The following LTA variants were observed in gnomAD, a reference collection of about 807,000 sequenced individuals.
LTA encodes lymphotoxin-alpha.
LTA carries 6 observed loss-of-function variants against 15.1 expected under a neutral mutation model. The observed-to-expected ratio is 0.40, with a 90% CI of 0.22 to 0.78. The LOEUF (loss-of-function observed/expected upper bound fraction) is 0.78, where lower values mean the gene tolerates loss of function less well. Among genes scored for constraint, LTA ranks in the 30% least tolerant of loss-of-function variants. The pLI, the probability that LTA is intolerant of heterozygous loss-of-function variation, is 0.38. For synonymous variants in LTA, 87 were observed against 107.3 expected (o/e 0.81, Z 1.17); for missense variants, 173 against 249.5 (o/e 0.69, Z 2.06).
chr6:31,574,185 C>T lies in LTA; in HGVS notation c.*492C>T. ...GAGAGGGCATGCGCACAAGGCTGAC[C>T]AAGAGAGAAAGAAGTAGGCATGAGG... On this transcript the variant is annotated 3_prime_UTR_variant, in exon 4 of 4. Coordinates refer to ENST00000418386, the MANE Select transcript of LTA (RefSeq NM_000595.4). 4.1e-6 allele frequency: 1 copy of T among 241,508 alleles called. No individual in the cohort carries two copies. Among genetic ancestry groups the T allele is most frequent in the Non-Finnish European group, 8.3e-6 (1 of 120,742 alleles). The allele number at this position is 241,508 out of a possible 1,614,324, so 15.0% of individuals were successfully genotyped here.
the LTA span, among the ~76,000 whole-genome samples, chr6:31,562,186 T>C: frequency 6.6e-6 from 1 of 151,628 alleles, no homozygotes; most frequent in East Asian, 1.9e-4. Context: ...TAAATGAGGG[T>C]TGAAAAGATT....
At chr6:31,566,642 GAAA>G in the LTA span, among the ~76,000 whole-genome samples, 38,660 of 122,926 alleles carry the variant, frequency 0.31, 5,773 homozygotes, top group East Asian at 0.51. Flanking sequence ...TGTCTTAAAA[GAAA>G]AAAAAAAAAA....
the LTA span, among the ~76,000 whole-genome samples, chr6:31,565,670 T>C: frequency 1.3e-5 from 2 of 152,140 alleles, no homozygotes; most frequent in African/African-American, 2.4e-5. Context: ...AGTTTTTCCA[T>C]CCATCAGAAT....
upstream of LTA, among the ~76,000 whole-genome samples, chr6:31,567,468 T>A (rs1327932019): frequency 6.6e-6 from 1 of 151,390 alleles, no homozygotes; most frequent in Non-Finnish European, 1.5e-5. Flanking sequence ...GAAGCTGAGG[T>A]GGAAGGATGA....
intron 1 of LTA, 75 bp from the exon 2 acceptor site, chr6:31,572,659 A>C: frequency 1.9e-6 from 2 of 1,049,876 alleles, no homozygotes; most frequent in Non-Finnish European, 2.9e-6. Context: ...GCTCTCTCCC[A>C]GGGCGGGAGG....
At chr6:31,560,823 G>T in the LTA span, among the ~76,000 whole-genome samples, 1 of 152,206 alleles carries the variant, frequency 6.6e-6, no homozygotes, top group Non-Finnish European at 1.5e-5. Flanking sequence ...ACTCTGTTCA[G>T]TGTAGGTCAA....
upstream of LTA, among the ~76,000 whole-genome samples, chr6:31,570,453 A>G (rs1333247138): frequency 2.6e-5 from 4 of 152,196 alleles, no homozygotes; most frequent in Non-Finnish European, 5.9e-5. Context: ...AACACTCTCC[A>G]AGTAAAATCA....
upstream of LTA, among the ~76,000 whole-genome samples, chr6:31,571,185 C>T (rs1395652509): frequency 6.6e-6 from 1 of 151,892 alleles, no homozygotes; most frequent in Admixed American, 6.6e-5. Flanking sequence ...CTCAGCCTCC[C>T]GAGTAGCTGG....
chr6:31,561,661 A>G, the LTA span, among the ~76,000 whole-genome samples: 1 of 152,034 alleles, frequency 6.6e-6, no homozygotes, highest in Admixed American at 6.6e-5. Flanking sequence ...TCTGCTCTCC[A>G]GTCTGGGTGA....
At chr6:31,567,351 T>C (rs931215848), upstream of LTA, among the ~76,000 whole-genome samples, 9 of 151,630 alleles carry the variant, frequency 5.9e-5, no homozygotes, top group Non-Finnish European at 1.3e-4. Flanking sequence ...AAACCAGGAG[T>C]TCGAGACCAG....
chr6:31,572,830 C>G lies in LTA; in HGVS notation c.88C>G (p.Pro30Ala). 6.2e-7 allele frequency: 1 copy of G among 1,611,832 alleles called. No homozygotes were observed. Among genetic ancestry groups the G allele is most frequent in the Non-Finnish European group, 8.5e-7 (1 of 1,179,904 alleles). The change falls in exon 2 of 4, where the codon CCT becomes GCT. Residue 30 changes from proline (P) to alanine (A), a missense_variant. By Grantham distance (27) the Pro-to-Ala change is conservative. Transcript: ENST00000418386. ...LLLGLLLVLL[P>A]GAQGLPGVGL... The stretch of plus-strand genomic sequence containing the variant: ...TCTGGGGCTGCTGCTGGTTCTGCTG[C>G]CTGGGGCCCAGGTGAGGCAGCAGGA...
upstream of LTA, among the ~76,000 whole-genome samples, chr6:31,569,769 C>T (rs1770738621): frequency 6.7e-6 from 1 of 149,310 alleles, no homozygotes; most frequent in Admixed American, 6.7e-5. Context: ...TGCACTCCAG[C>T]CTGTGCGACA....
chr6:31,561,677 C>T, the LTA span, among the ~76,000 whole-genome samples: 3 of 149,754 alleles, frequency 2.0e-5, no homozygotes, highest in Non-Finnish European at 4.4e-5. Flanking sequence ...GGTGACAGAG[C>T]AAGACTCTGT....
intron 1 of LTA, 34 bp downstream of exon 1, chr6:31,572,480 G>T: frequency 1.8e-6 from 1 of 569,954 alleles, no homozygotes; most frequent in African/African-American, 1.9e-5. Context: ...CTCTGTCTCT[G>T]ACTCTCCATC....
At chr6:31,564,830 C>G in the LTA span, among the ~76,000 whole-genome samples, 9 of 151,990 alleles carry the variant, frequency 5.9e-5, no homozygotes, top group Admixed American at 5.9e-4. Flanking sequence ...GGGAGGATCA[C>G]TTGAGCCCAG....
rs55749341 is a variant in LTA, at chr6:31,573,740, C to G, written c.*47C>G. ...AAAAAATAATTGATTTCAAGACCTT[C>G]TCCCCATTCTGCCTCCATTCTGACC... On this transcript the variant is annotated 3_prime_UTR_variant, in exon 4 of 4. Coordinates refer to ENST00000418386, the MANE Select transcript of LTA (RefSeq NM_000595.4). 330 of 1,604,476 alleles carry G rather than the reference C, an allele frequency of 2.1e-4. 1 individual carries two copies. Among genetic ancestry groups the G allele is most frequent in the Admixed American group, 5.0e-4 (30 of 59,942 alleles).
chr6:31,566,897 G>A, the LTA span, among the ~76,000 whole-genome samples: 5 of 151,294 alleles, frequency 3.3e-5, no homozygotes, highest in East Asian at 1.9e-4. Context: ...CTGAGATTAC[G>A]CCATTGCACT....
At position 31,572,424 on chromosome 6, in the gene LTA, G is replaced by A. The variant is rs994997086; in HGVS notation, c.-32G>A. The A allele has an allele frequency of 6.0e-6, 3 of 497,986 alleles. 1 individual carries two copies. Among genetic ancestry groups the A allele is most frequent in the Non-Finnish European group, 1.1e-5 (3 of 278,706 alleles). The allele number at this position is 497,986 out of a possible 1,614,324, so 30.8% of individuals were successfully genotyped here. On this transcript the variant is annotated 5_prime_UTR_variant, in exon 1 of 4. Transcript: ENST00000418386. The stretch of plus-strand genomic sequence containing the variant: ...TCCTGCACCTGCTGCCTGGATCCCC[G>A]GCCTGCCTGGGCCTGGGCCTTGGTG...
the LTA span, among the ~76,000 whole-genome samples, chr6:31,566,827 C>A: frequency 6.6e-6 from 1 of 151,926 alleles, no homozygotes; most frequent in Non-Finnish European, 1.5e-5. Context: ...ATAATCCCAG[C>A]TACTCAGGAG....
Sources: allele counts gnomAD v4.1 joint callset (sites outside exome capture counted in the v4.1 genomes callset), GRCh38; gene constraint gnomAD v4.1.1; transcripts MANE v1.5; gene names NCBI Gene and HGNC (gene_info 2026-07-23, HGNC 2026-07-21).